LPP: variants seen among roughly 807,000 people sequenced by gnomAD.
The protein encoded by LPP is lipoma-preferred partner.
Under a neutral mutation model 60.4 loss-of-function variants are expected in LPP, and 38 were observed. The ratio of observed to expected loss-of-function variants is 0.63; its 90% CI spans 0.49 to 0.83. LPP has a LOEUF of 0.83. Among genes scored for constraint, LPP ranks in the 40% least tolerant of loss-of-function variants. The pLI, the probability that LPP is intolerant of heterozygous loss-of-function variation, is 0.00. For missense variants in LPP, 902 were observed against 783.6 expected (o/e 1.15, Z -1.80); for synonymous variants, 328 against 290.8 (o/e 1.13, Z -1.30).
At chr3:188,636,736 G>C (rs1411849670) in intron 7 of LPP, among the ~76,000 whole-genome samples, 2 of 151,990 alleles carry the variant, frequency 1.3e-5, no homozygotes, top group Non-Finnish European at 2.9e-5. Context: ...GCCTCCTCAA[G>C]TGGGTCCCTG....
rs1257443613 is a variant in LPP at position 188,878,319 on chromosome 3, C to A, written c.*3840C>A. 5.5e-5 allele frequency: 12 copies of A among 220,136 alleles called. No individual in the cohort carries two copies. In the East Asian group the frequency reaches 8.0e-4, roughly 15 times the overall value. 13.6% of individuals were successfully genotyped at this position (220,136 alleles called of 1,614,324 possible). A position where few individuals can be genotyped will look rare whatever the true frequency, so the allele number is the denominator to read the frequency against. On this transcript the variant is annotated 3_prime_UTR_variant, in exon 12 of 12. Transcript: ENST00000617246. Reference sequence around the variant, plus strand: ...AGCTGCTAGGGAGATCAGGGAAACACTGATGTAACCTCAAAGCCTCTCACC... The same window carrying A: ...AGCTGCTAGGGAGATCAGGGAAACAATGATGTAACCTCAAAGCCTCTCACC...
At chr3:188,534,640 C>G (rs1173772809) in intron 6 of LPP, among the ~76,000 whole-genome samples, 2 of 152,138 alleles carry the variant, frequency 1.3e-5, no homozygotes, top group African/African-American at 4.8e-5. Flanking sequence ...CTAGATATAA[C>G]CACAGCAAAT....
At chr3:188,748,291 A>T (rs2150280481) in intron 8 of LPP, among the ~76,000 whole-genome samples, 1 of 152,248 alleles carries the variant, frequency 6.6e-6, no homozygotes, top group Admixed American at 6.5e-5. Flanking sequence ...ATATATATGA[A>T]TGTATGTTTG....
At chr3:188,540,945 G>T (rs770339084) in intron 6 of LPP, among the ~76,000 whole-genome samples, 2 of 152,110 alleles carry the variant, frequency 1.3e-5, no homozygotes, top group Non-Finnish European at 2.9e-5. Context: ...CTAATGCATG[G>T]AGCCAAAAGC....
At chr3:188,308,978 T>C (rs1369639736) in intron 2 of LPP, among the ~76,000 whole-genome samples, 3 of 150,902 alleles carry the variant, frequency 2.0e-5, no homozygotes, top group Non-Finnish European at 4.4e-5. Context: ...TTTCTCCTTC[T>C]CCTCCTCCCT....
intron 7 of LPP, among the ~76,000 whole-genome samples, chr3:188,636,390 T>G (rs57164529): frequency 0.21 from 31,420 of 152,152 alleles, 3,694 homozygotes; most frequent in African/African-American, 0.32. Context: ...ATCCCGCACC[T>G]TGCTCGGAGG....
chr3:188,276,170 A>G (rs1739607032), intron 2 of LPP, among the ~76,000 whole-genome samples: 2 of 152,034 alleles, frequency 1.3e-5, no homozygotes, highest in South Asian at 2.1e-4. Flanking sequence ...CTTGTCTCCC[A>G]TTTTTGTCCT....
At chr3:188,693,173 T>C (rs899173036) in intron 7 of LPP, among the ~76,000 whole-genome samples, 2 of 152,186 alleles carry the variant, frequency 1.3e-5, no homozygotes, top group African/African-American at 4.8e-5. Flanking sequence ...TCTTAATGTT[T>C]AGTGATTAGA....
intron 6 of LPP, among the ~76,000 whole-genome samples, chr3:188,578,096 T>C (rs902329886): frequency 6.6e-5 from 10 of 152,102 alleles, no homozygotes; most frequent in East Asian, 1.9e-4. Context: ...ATAACTATTG[T>C]TTTTAATAAT....
intron 5 of LPP, among the ~76,000 whole-genome samples, chr3:188,497,572 A>G (rs1810611409): frequency 6.6e-6 from 1 of 152,218 alleles, no homozygotes; most frequent in Non-Finnish European, 1.5e-5. Flanking sequence ...GATTCAAGCC[A>G]TCACTTTCTA....
chr3:188,576,229 G>T (rs574696585), intron 6 of LPP, among the ~76,000 whole-genome samples: 1 of 152,256 alleles, frequency 6.6e-6, no homozygotes, highest in South Asian at 2.1e-4. Flanking sequence ...ACCAATTGGT[G>T]CATTTCCTTT....
intron 3 of LPP, 34 bp from the exon 4 acceptor site, chr3:188,406,078 C>A: frequency 6.4e-7 from 1 of 1,557,856 alleles, no homozygotes; most frequent in South Asian, 1.1e-5. Context: ...CGTTTTCATG[C>A]TTCCATAAAA....
chr3:188,883,581 A>C lies in LPP; in HGVS notation c.*9102A>C, dbSNP rs1009124787. On this transcript the variant is annotated 3_prime_UTR_variant, in exon 12 of 12. Coordinates refer to ENST00000617246, the MANE Select transcript of LPP (RefSeq NM_001375462.1). ...CCCGACTCTACTAAAAAAAATACAA[A>C]AATTAGCCGGGCGTGTTGGCGGGCG... is the stretch of plus-strand genomic sequence containing the variant. 3 of 180,402 alleles carry C rather than the reference A, an allele frequency of 1.7e-5. No individual in the cohort carries two copies. Among genetic ancestry groups the C allele is most frequent in the Non-Finnish European group, 3.6e-5 (3 of 84,498 alleles). 11.2% of individuals were successfully genotyped at this position (180,402 alleles called of 1,614,324 possible).
chr3:188,842,266 C>T (rs942389559), intron 9 of LPP, among the ~76,000 whole-genome samples: 2 of 152,184 alleles, frequency 1.3e-5, no homozygotes, highest in Non-Finnish European at 2.9e-5. Context: ...TTGCATATCT[C>T]TGATGAGCAA....
At chr3:188,863,608 A>C (rs908857904) in intron 9 of LPP, among the ~76,000 whole-genome samples, 4 of 152,216 alleles carry the variant, frequency 2.6e-5, no homozygotes, top group Admixed American at 2.6e-4. Context: ...TTGCAGTAAA[A>C]GGCGCAGGCT....
At chr3:188,555,061 G>A (rs1829143074) in intron 6 of LPP, among the ~76,000 whole-genome samples, 1 of 152,110 alleles carries the variant, frequency 6.6e-6, no homozygotes, top group African/African-American at 2.4e-5. Context: ...AGAGATATTT[G>A]AGGAGAGATC....
At chr3:188,467,368 G>C (rs1365260) in intron 4 of LPP, among the ~76,000 whole-genome samples, 145,243 of 152,126 alleles carry the variant, frequency 0.95, 69,709 homozygotes, top group East Asian at 1. Context: ...AAATAGGTAC[G>C]ATGAATACAA....
chr3:188,201,263 A>G (rs1731007180), intron 1 of LPP, among the ~76,000 whole-genome samples: 1 of 152,232 alleles, frequency 6.6e-6, no homozygotes, highest in Non-Finnish European at 1.5e-5. Flanking sequence ...CAGGGCAAGG[A>G]AGATGTTGAT....
chr3:188,181,232 A>G (rs955776727), intron 1 of LPP, among the ~76,000 whole-genome samples: 3 of 152,014 alleles, frequency 2.0e-5, no homozygotes, highest in Non-Finnish European at 4.4e-5. Flanking sequence ...GCATGCCTGT[A>G]ATCCCAGCTA....
Sources: allele counts gnomAD v4.1 joint callset (sites outside exome capture counted in the v4.1 genomes callset), GRCh38; gene constraint gnomAD v4.1.1; transcripts MANE v1.5; gene names NCBI Gene and HGNC (gene_info 2026-07-23, HGNC 2026-07-21).